The following EPB41L3 variants were observed in gnomAD, a reference collection of about 807,000 sequenced individuals.
The protein encoded by EPB41L3 is band 4.1-like protein 3.
Under a neutral mutation model 127.1 loss-of-function variants are expected in EPB41L3, and 57 were observed. The ratio of observed to expected loss-of-function variants is 0.45; its 90% CI spans 0.36 to 0.56. The LOEUF (loss-of-function observed/expected upper bound fraction) is 0.56. Among genes scored for constraint, EPB41L3 ranks in the 20% least tolerant of loss-of-function variants. The pLI is 0.00. For missense variants in EPB41L3, 1,273 were observed against 1,372.2 expected, an observed-to-expected ratio of 0.93 and a Z score of 1.14; for synonymous variants, 572 against 549.5, an observed-to-expected ratio of 1.04 and a Z score of -0.57.
At chr18:5,528,849 T>G (rs1466620072) in intron 1 of EPB41L3, 1 of 152,286 alleles carries the variant, frequency 6.6e-6, no homozygotes, top group Non-Finnish European at 1.5e-5. Flanking sequence ...CCACCCGCCT[T>G]GGCTTCCCAA....
In EPB41L3 at chr18:5,397,171, C is replaced by A; in HGVS notation, c.2728G>T (p.Ala910Ser). 6.2e-7 allele frequency: 1 copy of A among 1,614,206 alleles called. No individual in the cohort carries two copies. The highest frequency in any genetic ancestry group is 1.1e-5 in the South Asian group (1 of 91,082). Residue 910 changes from alanine (A) to serine (S), a missense_variant, in exon 18 of 23, where the codon GCT becomes TCT. Physicochemically the swap from Ala to Ser is moderately conservative, Grantham distance 99 (BLOSUM62 1). Transcript: ENST00000341928. This position sits in a 1 kb window ranked among gnomAD's most constrained non-coding sequence, Gnocchi z 4.1. The part of the protein sequence containing the change: ...GAKEEGGEEV[A>S]KAVLEQEETA... ...TCTTCCTGTTCCAGGACAGCTTTAG[C>A]GACCTCCTCCCCTCCTTCCTCTTTA...
At chr18:5,627,060 TC>T (rs1341344131) in intron 1 of EPB41L3, among the ~76,000 whole-genome samples, 1 of 152,120 alleles carries the variant, frequency 6.6e-6, no homozygotes, top group Non-Finnish European at 1.5e-5. Context: ...AGGCTGACCT[TC>T]CGCGGACTTC....
intron 1 of EPB41L3, among the ~76,000 whole-genome samples, chr18:5,516,345 C>T (rs746399224): frequency 5.9e-5 from 9 of 152,168 alleles, no homozygotes; most frequent in Admixed American, 1.3e-4. Flanking sequence ...GTTCTCCTTA[C>T]GTGCTATTTC....
In EPB41L3 at chr18:5,543,992, A is replaced by C; in HGVS notation, c.-91T>G. On this transcript the variant is annotated 5_prime_UTR_variant, in exon 1 of 23. Transcript: ENST00000341928. The surrounding 1 kb of genome is among the most constrained non-coding windows in gnomAD (Gnocchi z 5.2). Reference sequence around the variant, plus strand: ...CGCGTCCTCGGCGGCGGTGCGCAGGAGACTCGGGCGTGGGGAGGAAGCCGC... The same window carrying C: ...CGCGTCCTCGGCGGCGGTGCGCAGGCGACTCGGGCGTGGGGAGGAAGCCGC... 2 of 985,454 alleles carry C rather than the reference A, an allele frequency of 2.0e-6. No individual in the cohort carries two copies. The highest frequency in any genetic ancestry group is 1.2e-6 in the Non-Finnish European group (1 of 830,006). 61.0% of individuals were successfully genotyped at this position (985,454 alleles called of 1,614,324 possible).
intron 5 of EPB41L3, 52 bp from the exon 6 acceptor site, chr18:5,438,162 C>G (rs776429887): frequency 1.3e-6 from 2 of 1,554,178 alleles, no homozygotes; most frequent in East Asian, 2.3e-5. Flanking sequence ...TCTTATGACT[C>G]TAATCGATGG....
intron 14 of EPB41L3, 44 bp from the exon 15 acceptor site, chr18:5,407,780 AT>A (rs777486254): frequency 6.3e-7 from 1 of 1,592,160 alleles, no homozygotes; most frequent in East Asian, 2.2e-5. Context: ...CTTACATGCA[AT>A]TTACTCTAAG....
At chr18:5,428,779 C>T (rs555074003) in intron 8 of EPB41L3, among the ~76,000 whole-genome samples, 1 of 152,166 alleles carries the variant, frequency 6.6e-6, no homozygotes, top group Non-Finnish European at 1.5e-5. Flanking sequence ...ACAGTTCTCA[C>T]TTGTCAATTG....
chr18:5,471,113 G>T (rs748238903), intron 3 of EPB41L3, among the ~76,000 whole-genome samples: 1 of 152,176 alleles, frequency 6.6e-6, no homozygotes, highest in Non-Finnish European at 1.5e-5. Flanking sequence ...ACATTGATCA[G>T]GAGCTCTACG....
intron 3 of EPB41L3, among the ~76,000 whole-genome samples, chr18:5,477,806 G>T (rs2087544559): frequency 6.6e-6 from 1 of 152,120 alleles, no homozygotes; most frequent in Non-Finnish European, 1.5e-5. Context: ...AGCAAGAAAA[G>T]GTCATGGACA....
In EPB41L3 at chr18:5,394,693, C is replaced by T. The variant is rs1328445643; in HGVS notation, c.3254G>A (p.Gly1085Glu). The T allele has an allele frequency of 6.2e-7, 1 of 1,614,068 alleles. No individual in the cohort carries two copies. The highest frequency in any genetic ancestry group is 1.1e-5 in the South Asian group (1 of 91,078). ...ACCTCTTACCTCTGGTCAATCCTCT[C>T]CATCTTCTGGTGTGATCTCTGTCTC... The part of the protein sequence containing the change: ...HKETEITPED[G>E]ED Residue 1085 changes from glycine to glutamate, a missense_variant, in exon 22 of 23, where the codon GGA (glycine) becomes GAA (glutamate). Transcript: ENST00000341928.
At chr18:5,609,564 A>T (rs548387416) in intron 3 of EPB41L3, among the ~76,000 whole-genome samples, 41 of 152,288 alleles carry the variant, frequency 2.7e-4, no homozygotes, top group African/African-American at 8.4e-4. Flanking sequence ...CAGTTTTGCT[A>T]TTTTGAGTTT....
At chr18:5,582,347 A>G (rs2094401411) in intron 3 of EPB41L3, among the ~76,000 whole-genome samples, 1 of 152,178 alleles carries the variant, frequency 6.6e-6, no homozygotes, top group Admixed American at 6.5e-5. Flanking sequence ...ATCTTAGAAG[A>G]AAACAGGTAA....
intron 3 of EPB41L3, among the ~76,000 whole-genome samples, chr18:5,552,096 C>T (rs898034621): frequency 6.6e-6 from 1 of 152,166 alleles, no homozygotes; most frequent in Non-Finnish European, 1.5e-5. Flanking sequence ...AAAAAATTAC[C>T]TGAAGTCCTT....
At chr18:5,433,387 T>C in intron 8 of EPB41L3, 82 bp downstream of exon 8, 1 of 996,766 alleles carries the variant, frequency 1.0e-6, no homozygotes, top group Non-Finnish European at 1.5e-6. Context: ...TTAACTGAAG[T>C]AAAAATCACC....
At chr18:5,601,523 T>C (rs771322418) in intron 3 of EPB41L3, among the ~76,000 whole-genome samples, 9 of 152,212 alleles carry the variant, frequency 5.9e-5, no homozygotes, top group Non-Finnish European at 1.0e-4. Flanking sequence ...GTTTTTTTCC[T>C]TCAGATTTCC....
chr18:5,571,619 T>C (rs867739284), intron 3 of EPB41L3, among the ~76,000 whole-genome samples: 1 of 152,262 alleles, frequency 6.6e-6, no homozygotes, highest in Non-Finnish European at 1.5e-5. Context: ...GTTAGAATCA[T>C]ATCCCACATT....
intron 1 of EPB41L3, among the ~76,000 whole-genome samples, chr18:5,499,511 C>T (rs1022552735): frequency 2.6e-5 from 4 of 151,938 alleles, no homozygotes; most frequent in Non-Finnish European, 5.9e-5. Context: ...TACCTGTAAT[C>T]CCAGCACTTT....
intron 1 of EPB41L3, chr18:5,540,381 G>A (rs2093685865): frequency 1.0e-6 from 1 of 985,392 alleles, no homozygotes; most frequent in Non-Finnish European, 1.2e-6. Flanking sequence ...CTCATTGATT[G>A]ATCAGGCAAA....
At chr18:5,404,932 T>C (rs185087214) in intron 16 of EPB41L3, among the ~76,000 whole-genome samples, 5 of 152,280 alleles carry the variant, frequency 3.3e-5, no homozygotes, top group African/African-American at 1.2e-4. Flanking sequence ...GTAAGGACTA[T>C]TATATTTAAA....
Sources: allele counts gnomAD v4.1 joint callset (sites outside exome capture counted in the v4.1 genomes callset), GRCh38; gene constraint gnomAD v4.1.1; non-coding constraint Gnocchi (gnomAD v3.1); transcripts MANE v1.5; gene names NCBI Gene and HGNC (gene_info 2026-07-23, HGNC 2026-07-21).